The following CDC14A variants were observed in gnomAD, a reference collection of about 807,000 sequenced individuals.
CDC14A encodes the protein dual specificity protein phosphatase CDC14A.
Under a neutral mutation model 74.4 loss-of-function variants are expected in CDC14A, and 53 were observed. The ratio of observed to expected loss-of-function variants is 0.71; its 90% CI spans 0.57 to 0.89. The LOEUF is 0.89. Among genes scored for constraint, CDC14A ranks in the 40% least tolerant of loss-of-function variants. The pLI is 0.00. For synonymous variants in CDC14A, 247 were observed against 258.4 expected (o/e 0.96, Z 0.43); for missense variants, 646 against 713.7 (o/e 0.91, Z 1.08).
intron 2 of CDC14A, 145 bp from the exon 3 acceptor site, chr1:100,377,401 T>TA (rs1655425484): frequency 1.6e-6 from 1 of 627,530 alleles, no homozygotes; most frequent in Admixed American, 2.9e-5. Flanking sequence ...AAACCATTAG[T>TA]TATTTGGATT....
chr1:100,384,469 TCTC>T (rs1429769996), intron 3 of CDC14A, among the ~76,000 whole-genome samples: 13 of 152,342 alleles, frequency 8.5e-5, no homozygotes, highest in Non-Finnish European at 1.5e-4. Context: ...ATACAGTTAT[TCTC>T]CTCTGTTTTT....
chr1:100,505,498 C>A (rs1649155290), intron 15 of CDC14A, among the ~76,000 whole-genome samples: 1 of 152,160 alleles, frequency 6.6e-6, no homozygotes, highest in Non-Finnish European at 1.5e-5. Flanking sequence ...TATAAAATAA[C>A]CAGTTTGATG....
At chr1:100,404,152 C>T (rs1443334137) in intron 4 of CDC14A, among the ~76,000 whole-genome samples, 2 of 151,476 alleles carry the variant, frequency 1.3e-5, no homozygotes, top group Non-Finnish European at 2.9e-5. Flanking sequence ...GATAGCGCCA[C>T]TGCACTCCAG....
chr1:100,419,672 C>T (rs11166451), intron 4 of CDC14A, among the ~76,000 whole-genome samples: 47,513 of 152,024 alleles, frequency 0.31, 11,014 homozygotes, highest in African/African-American at 0.65. Context: ...AAGTCTTCCA[C>T]ATTTGGTAAA....
At chr1:100,462,533 C>T (rs1667410768) in intron 8 of CDC14A, 118 bp from the exon 9 acceptor site, 5 of 768,808 alleles carry the variant, frequency 6.5e-6, no homozygotes, top group African/African-American at 1.7e-5. Context: ...TCTCACACAA[C>T]ACACTTTCCT....
chr1:100,507,379 T>A (rs1344660088), intron 15 of CDC14A, among the ~76,000 whole-genome samples: 1 of 152,214 alleles, frequency 6.6e-6, no homozygotes, highest in African/African-American at 2.4e-5. Flanking sequence ...ATATACAGAT[T>A]CATTATTATT....
At chr1:100,512,646 T>G (rs1363133794) in intron 15 of CDC14A, among the ~76,000 whole-genome samples, 1 of 152,170 alleles carries the variant, frequency 6.6e-6, no homozygotes, top group Non-Finnish European at 1.5e-5. Flanking sequence ...GAAAAGCATA[T>G]ATTAAATTTC....
intron 4 of CDC14A, 74 bp downstream of exon 4, chr1:100,390,898 C>T: frequency 9.0e-7 from 1 of 1,110,922 alleles, no homozygotes; most frequent in Non-Finnish European, 1.4e-6. Flanking sequence ...AAAATCCAAA[C>T]CAGTTTTTCA....
chr1:100,412,657 C>T (rs1463346961), intron 4 of CDC14A, among the ~76,000 whole-genome samples: 2 of 133,986 alleles, frequency 1.5e-5, no homozygotes, highest in Admixed American at 7.6e-5. Context: ...GGGAAGTTCC[C>T]AGTTACTGCA....
At chr1:100,465,057 C>G (rs892240624) in intron 9 of CDC14A, among the ~76,000 whole-genome samples, 4 of 151,860 alleles carry the variant, frequency 2.6e-5, no homozygotes, top group Admixed American at 2.6e-4. Flanking sequence ...TCCCAAGTAT[C>G]TGGAATTACA....
intron 10 of CDC14A, among the ~76,000 whole-genome samples, chr1:100,480,232 A>G (rs1669312490): frequency 6.6e-6 from 1 of 152,180 alleles, no homozygotes; most frequent in Non-Finnish European, 1.5e-5. Context: ...GATTCCTCAT[A>G]TAAATGGAAT....
At chr1:100,360,809 G>A (rs1171019633) in intron 2 of CDC14A, among the ~76,000 whole-genome samples, 1 of 151,984 alleles carries the variant, frequency 6.6e-6, no homozygotes, top group Non-Finnish European at 1.5e-5. Context: ...TTGAGATAAG[G>A]CTGTGAAAAC....
chr1:100,445,317 C>T (rs1665415935), intron 7 of CDC14A, among the ~76,000 whole-genome samples: 1 of 152,158 alleles, frequency 6.6e-6, no homozygotes, highest in South Asian at 2.1e-4. Context: ...CTCACCCCCT[C>T]AACTTGTATG....
At chr1:100,390,862 C>A in intron 4 of CDC14A, 38 bp downstream of exon 4, 1 of 1,397,878 alleles carries the variant, frequency 7.2e-7, no homozygotes, top group Non-Finnish European at 1.0e-6. Context: ...TATAATCAGG[C>A]CAGTGAAATG....
intron 5 of CDC14A, among the ~76,000 whole-genome samples, chr1:100,437,057 G>A (rs1571190229): frequency 6.6e-6 from 1 of 152,134 alleles, no homozygotes; most frequent in African/African-American, 2.4e-5. Context: ...ATGGTGGCTT[G>A]TGCCTGTAGT....
At chr1:100,487,283 G>A (rs1296119831) in intron 11 of CDC14A, among the ~76,000 whole-genome samples, 1 of 152,214 alleles carries the variant, frequency 6.6e-6, no homozygotes, top group Non-Finnish European at 1.5e-5. Context: ...TTTAGGCCGG[G>A]CATGGTGGCT....
intron 3 of CDC14A, among the ~76,000 whole-genome samples, chr1:100,389,180 CAAA>C (rs1196346245): frequency 1.7e-4 from 9 of 52,226 alleles, no homozygotes; most frequent in African/African-American, 1.4e-4. Flanking sequence ...GACCCTGTCT[CAAA>C]AAAAAAAAAA....
chr1:100,395,289 A>C (rs528772236), intron 4 of CDC14A, among the ~76,000 whole-genome samples: 2 of 152,356 alleles, frequency 1.3e-5, no homozygotes, highest in South Asian at 4.1e-4. Context: ...CATATTATAC[A>C]TCTAAATGAT....
rs144731677 is a variant in CDC14A, at chr1:100,354,548, A to G, written c.140+696A>G. Among the ~76,000 whole-genome samples the G allele has an allele frequency of 3.9e-5, 6 of 152,370 alleles. 1 individual carries two copies. Among genetic ancestry groups the G allele is most frequent in the Admixed American group, 3.9e-4 (6 of 15,306 alleles). Reference sequence around the variant, plus strand: ...AGGGAACTGTTTTCTGTGAAAGACCACTGATCTACAGGAAAAAGATATCTT... The same window carrying G: ...AGGGAACTGTTTTCTGTGAAAGACCGCTGATCTACAGGAAAAAGATATCTT... On this transcript the variant is annotated intron_variant, in intron 2 of 15. Coordinates refer to ENST00000336454, the MANE Select transcript of CDC14A (RefSeq NM_003672.4).
Sources: allele counts gnomAD v4.1 joint callset (sites outside exome capture counted in the v4.1 genomes callset), GRCh38; gene constraint gnomAD v4.1.1; transcripts MANE v1.5; gene names NCBI Gene and HGNC (gene_info 2026-07-23, HGNC 2026-07-21).